The following MBOAT1 variants were observed in gnomAD, a reference collection of about 807,000 sequenced individuals.
MBOAT1 encodes membrane bound glycerophospholipid O-acyltransferase 1.
In MBOAT1, 67 loss-of-function variants were observed where a neutral mutation model predicts 64.4. That is an observed-to-expected ratio of 1.04 (90% CI 0.85 to 1.27). The LOEUF is 1.27. Ranked by LOEUF, MBOAT1 falls within the 50% of genes most tolerant of loss-of-function variation. MBOAT1 has a pLI of 0.00. For synonymous variants in MBOAT1, 229 were observed against 218.9 expected, an observed-to-expected ratio of 1.05 and a Z score of -0.41; for missense variants, 563 against 604.6, an observed-to-expected ratio of 0.93 and a Z score of 0.72.
At chr6:20,202,439 C>T (rs945488646) in intron 1 of MBOAT1, among the ~76,000 whole-genome samples, 1 of 152,096 alleles carries the variant, frequency 6.6e-6, no homozygotes, top group Non-Finnish European at 1.5e-5. Flanking sequence ...AGCCCAGAAA[C>T]CTTCATTCAA....
At chr6:20,170,701 G>A (rs1034718743) in intron 1 of MBOAT1, among the ~76,000 whole-genome samples, 2 of 152,078 alleles carry the variant, frequency 1.3e-5, no homozygotes, top group Non-Finnish European at 2.9e-5. Context: ...CCTCCCTTCT[G>A]CCCAAGTGCA....
At chr6:20,162,811 C>G (rs556773554) in intron 1 of MBOAT1, among the ~76,000 whole-genome samples, 1 of 152,148 alleles carries the variant, frequency 6.6e-6, no homozygotes, top group African/African-American at 2.4e-5. Flanking sequence ...AGCTGAAAGT[C>G]CTTTCCAACA....
At chr6:20,151,854 A>G (rs1465479111) in intron 2 of MBOAT1, among the ~76,000 whole-genome samples, 1 of 152,240 alleles carries the variant, frequency 6.6e-6, no homozygotes. Context: ...CAAGATCTGC[A>G]CTAAACGCAT....
Position 20,212,082 on chromosome 6 carries a change from C to G in MBOAT1, c.99+54G>C, listed in dbSNP as rs886734657. On this transcript the variant is annotated intron_variant, in intron 1 of 12. Coordinates refer to ENST00000324607, the MANE Select transcript of MBOAT1 (RefSeq NM_001080480.3). ...CGGTGGCTAACACTTTCGCCCGCCC[C>G]GTGCACGCGATCGCTGGGGAGCTGG... 17 of 1,536,892 alleles carry G rather than the reference C, an allele frequency of 1.1e-5. No individual in the cohort carries two copies. In the African/African-American group the frequency reaches 1.8e-4, roughly 16 times the overall value.
At chr6:20,186,309 G>A (rs1479207941) in intron 1 of MBOAT1, among the ~76,000 whole-genome samples, 1 of 152,254 alleles carries the variant, frequency 6.6e-6, no homozygotes, top group Non-Finnish European at 1.5e-5. Flanking sequence ...AGGAGGCAGT[G>A]TCTTCACCTG....
In MBOAT1 at chr6:20,118,513, A is replaced by G. The variant is rs1760397526; in HGVS notation, c.935T>C (p.Phe312Ser). The G allele has an allele frequency of 1.2e-6, 2 of 1,613,932 alleles. No individual in the cohort carries two copies. The highest frequency in any genetic ancestry group is 1.7e-6 in the Non-Finnish European group (2 of 1,180,036). Residue 312 changes from phenylalanine (F) to serine (S), a missense_variant, in exon 9 of 13, where the codon TTT (phenylalanine) becomes TCT (serine). Phe to Ser is a radical substitution (Grantham distance 155). Coordinates refer to ENST00000324607, the MANE Select transcript of MBOAT1 (RefSeq NM_001080480.3). ...LADAVNNAAG[F>S]GFSGVDKNGN... ...ATTCTTATCCACTCCGCTGAACCCA[A>G]AGCCAGCTGCGTTATTCACTGCATC...
chr6:20,151,664 T>C (rs1268963304), intron 2 of MBOAT1, among the ~76,000 whole-genome samples: 1 of 152,156 alleles, frequency 6.6e-6, no homozygotes, highest in Non-Finnish European at 1.5e-5. Context: ...GTTGAAGGAA[T>C]AGGGGCAGAA....
rs1759779400 is a variant in MBOAT1, at chr6:20,101,249, G to A, written c.*1037C>T. ...CCCCGGGCAAGCAGGTGGCGCCTGT[G>A]AAATGGAAAACATTCGGAAAACAGC... is the stretch of plus-strand genomic sequence containing the variant. On this transcript the variant is annotated 3_prime_UTR_variant, in exon 13 of 13. Coordinates refer to ENST00000324607, the MANE Select transcript of MBOAT1 (RefSeq NM_001080480.3). Among the ~76,000 whole-genome samples the A allele has an allele frequency of 6.6e-6, 1 of 152,194 alleles. No individual in the cohort carries two copies. The highest frequency in any genetic ancestry group is 6.5e-5 in the Admixed American group (1 of 15,278).
chr6:20,115,165 G>A (rs1760282604), intron 10 of MBOAT1, 123 bp downstream of exon 10: 6 of 753,010 alleles, frequency 8.0e-6, no homozygotes, highest in Non-Finnish European at 1.4e-5. Flanking sequence ...GGGCACAGAT[G>A]TTAATACAAA....
At chr6:20,169,394 T>C (rs1762126569) in intron 1 of MBOAT1, among the ~76,000 whole-genome samples, 1 of 152,178 alleles carries the variant, frequency 6.6e-6, no homozygotes, top group Non-Finnish European at 1.5e-5. Context: ...TACAGCACAA[T>C]TGTCACAACT....
intron 3 of MBOAT1, among the ~76,000 whole-genome samples, chr6:20,146,611 C>T (rs544263544): frequency 9.2e-4 from 140 of 152,284 alleles, no homozygotes; most frequent in African/African-American, 3.0e-3. Context: ...AAGGCAGAAA[C>T]GCAAAGCAGA....
Position 20,162,104 on chromosome 6 carries a change from C to A in MBOAT1, c.100-9335G>T, listed in dbSNP as rs540680157. Among the ~76,000 whole-genome samples the A allele has an allele frequency of 1.3e-4, 20 of 152,222 alleles. 1 individual carries two copies. Among genetic ancestry groups the A allele is most frequent in the African/African-American group, 4.3e-4 (18 of 41,528 alleles). On this transcript the variant is annotated intron_variant, in intron 1 of 12. Coordinates refer to ENST00000324607, the MANE Select transcript of MBOAT1 (RefSeq NM_001080480.3). ...GATTAGGACCCACTGTAATGACTTT[C>A]TTCACTACTAAGTTATTAATAACTT...
intron 3 of MBOAT1, among the ~76,000 whole-genome samples, chr6:20,150,200 G>C (rs1341911068): frequency 6.6e-6 from 1 of 152,126 alleles, no homozygotes; most frequent in Non-Finnish European, 1.5e-5. Flanking sequence ...AACTACCTCT[G>C]TACTTTGAAA....
chr6:20,150,965 T>C (rs75277076), intron 3 of MBOAT1, among the ~76,000 whole-genome samples: 1,551 of 152,220 alleles, frequency 0.01, 36 homozygotes, highest in African/African-American at 0.034. Context: ...TCATGACATA[T>C]TCTCTTTCAC....
At chr6:20,152,918 C>T (rs577011360) in intron 1 of MBOAT1, 149 bp from the exon 2 acceptor site, 4 of 766,362 alleles carry the variant, frequency 5.2e-6, no homozygotes, top group Admixed American at 3.2e-5. Flanking sequence ...CTGCAAGCTC[C>T]GCCTCCCAGG....
At chr6:20,198,289 A>G (rs981933034) in intron 1 of MBOAT1, among the ~76,000 whole-genome samples, 1 of 152,136 alleles carries the variant, frequency 6.6e-6, no homozygotes. Flanking sequence ...AACGTGTTCC[A>G]TCTAATACGA....
At position 20,152,339 on chromosome 6, in the gene MBOAT1, T is replaced by TAA. The variant is rs67093680; in HGVS notation, c.245+283_245+284dup. 1.9e-3 allele frequency among the ~76,000 whole-genome samples: 255 copies of TAA among 136,052 alleles called. 1 individual carries two copies. The highest frequency in any genetic ancestry group is 6.8e-3 in the African/African-American group (244 of 36,092). The allele number at this position is 136,052 out of a possible 152,430, so 89.3% of individuals were successfully genotyped here. On this transcript the variant is annotated intron_variant, in intron 2 of 12. Transcript: ENST00000324607. ...GAGACTCCGTCTCAAAAAAAAAAAA[T>TAA]AAAAAATAAATAAATAAATAAATAA...
At chr6:20,114,701 G>A (rs573280391) in intron 10 of MBOAT1, among the ~76,000 whole-genome samples, 53 of 152,014 alleles carry the variant, frequency 3.5e-4, no homozygotes, top group Non-Finnish European at 6.5e-4. Context: ...TAGCCCACAT[G>A]GTGAAACCTC....
At chr6:20,135,740 C>T (rs1760972452) in intron 4 of MBOAT1, among the ~76,000 whole-genome samples, 1 of 152,192 alleles carries the variant, frequency 6.6e-6, no homozygotes, top group African/African-American at 2.4e-5. Context: ...AAAGGCTCTA[C>T]TTCGTATCTT....
Sources: gnomAD v4.1 joint callset for allele counts (sites outside exome capture counted in the v4.1 genomes callset) on GRCh38, gnomAD v4.1.1 for gene constraint, MANE v1.5 for transcripts, NCBI Gene and HGNC (gene_info 2026-07-23, HGNC 2026-07-21) for gene names.